The following HCFC1 variants were observed in gnomAD, a reference collection of about 807,000 sequenced individuals.
The protein encoded by HCFC1 is host cell factor 1.
A neutral mutation model predicts 105.5 loss-of-function variants in HCFC1; 7 were observed. The observed-to-expected ratio is 0.07, with a 90% CI of 0.04 to 0.12. The LOEUF (loss-of-function observed/expected upper bound fraction) is 0.12, where lower values mean the gene tolerates loss of function less well. Among genes scored for constraint, HCFC1 ranks in the 10% least tolerant of loss-of-function variants. The pLI is 1.00. For synonymous variants in HCFC1, 918 were observed against 828.1 expected, an observed-to-expected ratio of 1.11 and a Z score of -1.86; for missense variants, 1,065 against 1,823.6, an observed-to-expected ratio of 0.58 and a Z score of 7.58.
At position 153,954,788 on chromosome X, in the gene HCFC1, C is replaced by A; in HGVS notation, c.3611G>T (p.Arg1204Leu). 8.6e-7 allele frequency: 1 copy of A among 1,166,114 alleles called. No homozygotes were observed. Among genetic ancestry groups the A allele is most frequent in the Non-Finnish European group, 1.1e-6 (1 of 873,830 alleles). The change falls in exon 17 of 26, where the codon CGC becomes CTC. Residue 1204 changes from arginine (R) to leucine (L), a missense_variant. Transcript: ENST00000310441. ...GPSMAREPGG[R>L]SPAFVQLAPL... is the part of the protein sequence containing the mutation. ...GGCCAACTGCACAAAAGCAGGGCTG[C>A]GGCCCCCGGGCTCCCGTGCCATGCT...
At chrX:153,959,526 C>T (rs1557116132) in intron 8 of HCFC1, 35 bp from the exon 9 acceptor site, 2 of 1,203,801 alleles carry the variant, frequency 1.7e-6, no homozygotes, top group Non-Finnish European at 2.2e-6. Flanking sequence ...CAGCCATCAC[C>T]TTCTGCACGA....
intron 1 of HCFC1, among the ~76,000 whole-genome samples, chrX:153,967,392 T>A (rs1360629286): frequency 3.6e-5 from 4 of 112,285 alleles, no homozygotes; most frequent in South Asian, 3.7e-4. Context: ...AACCACTTCA[T>A]GCTCTGCAAG....
intron 1 of HCFC1, 124 bp downstream of exon 1, chrX:153,970,524 T>TGAGGGAGGAGATGGAGG (rs1422124386): frequency 2.3e-5 from 8 of 342,614 alleles, no homozygotes; most frequent in Admixed American, 8.1e-5. Flanking sequence ...GGGTAGAGGG[T>TGAGGGAGGAGATGGAGG]GAGGGAGGAG....
rs1351939297 is a variant in HCFC1, at chrX:153,951,964, G to T, written c.5137C>A (p.Pro1713Thr). 8.4e-7 allele frequency: 1 copy of T among 1,191,588 alleles called. No individual in the cohort carries two copies. Among genetic ancestry groups the T allele is most frequent in the Non-Finnish European group, 1.1e-6 (1 of 886,595 alleles). The change falls in exon 20 of 26, where the codon CCC (proline) becomes ACC (threonine). Residue 1713 changes from proline to threonine, a missense_variant. Physicochemically the swap from Pro to Thr is conservative, Grantham distance 38 (BLOSUM62 -1). Coordinates refer to ENST00000310441, the MANE Select transcript of HCFC1 (RefSeq NM_005334.3). ...TCGGCAGGGGCCAGGGCCTCAGTGG[G>T]GAGGTGGTGATGCTGCTGCTGGGCC... ...AQAQQQHHHL[P>T]TEALAPADSL...
chrX:153,952,297 A>AG, intron 19 of HCFC1, 139 bp from the exon 20 acceptor site: 2 of 1,023,448 alleles, frequency 2.0e-6, no homozygotes, highest in East Asian at 6.8e-5. Flanking sequence ...GCCCTGGCCG[A>AG]GGGGCCCTGC....
rs1381600867 is a variant in HCFC1, at chrX:153,971,690, C to G, written c.-850G>C. ...GCGGTGTCCGATCCTCACTTCCCGC[C>G]TTATGACTCCTTCCCACAGGAGCCG... On this transcript the variant is annotated 5_prime_UTR_variant, in exon 1 of 26. Transcript: ENST00000310441. The G allele has an allele frequency of 4.4e-5, 13 of 296,844 alleles. No individual in the cohort carries two copies. Among genetic ancestry groups the G allele is most frequent in the African/African-American group, 3.5e-4 (13 of 36,784 alleles). 24.5% of individuals were successfully genotyped at this position (296,844 alleles called of 1,213,427 possible). A position where few individuals can be genotyped will look rare whatever the true frequency, so the allele number is the denominator to read the frequency against.
chrX:153,968,959 C>A (rs1204988667), intron 1 of HCFC1, among the ~76,000 whole-genome samples: 1 of 112,061 alleles, frequency 8.9e-6, no homozygotes, highest in Non-Finnish European at 1.9e-5. Flanking sequence ...CACCAAGCGC[C>A]CCCGCCCGGG....
intron 9 of HCFC1, 111 bp downstream of exon 9, chrX:153,959,220 G>A: frequency 1.3e-6 from 1 of 798,249 alleles, no homozygotes; most frequent in Non-Finnish European, 1.8e-6. Context: ...AGGGAAAGGT[G>A]TGGGGTGCGT....
chrX:153,951,418 C>T lies in HCFC1; in HGVS notation c.5449G>A (p.Val1817Ile). 8.3e-7 allele frequency: 1 copy of T among 1,210,834 alleles called. No homozygotes were observed. The highest frequency in any genetic ancestry group is 1.1e-6 in the Non-Finnish European group (1 of 894,512). Residue 1817 changes from valine (V) to isoleucine (I), a missense_variant, in exon 22 of 26, where the codon GTC becomes ATC. Transcript: ENST00000310441. ...KKENQWFDVGVIKGTNVMVTH... is the reference protein window; with the variant it reads ...KKENQWFDVGIIKGTNVMVTH... ...ACCATTACATTGGTGCCCTTAATGA[C>T]TCCCACATCAAACCACTGGTTTTCC... is the stretch of plus-strand genomic sequence containing the variant.
Position 153,948,216 on chromosome X carries a change from A to C in HCFC1, c.*1131T>G, listed in dbSNP as rs1296348128. The C allele has an allele frequency of 1.8e-5, 2 of 112,282 alleles. No individual in the cohort carries two copies. Among genetic ancestry groups the C allele is most frequent in the African/African-American group, 6.5e-5 (2 of 30,912 alleles). 9.3% of individuals were successfully genotyped at this position (112,282 alleles called of 1,213,427 possible). On this transcript the variant is annotated 3_prime_UTR_variant, in exon 26 of 26. Coordinates refer to ENST00000310441, the MANE Select transcript of HCFC1 (RefSeq NM_005334.3). Reference sequence around the variant, plus strand: ...ATGGGGAGAGCTGGAAATCCAGGACAAGGAGGCCCCAGCCCTCCCTCAAGC... The same window carrying C: ...ATGGGGAGAGCTGGAAATCCAGGACCAGGAGGCCCCAGCCCTCCCTCAAGC...
At chrX:153,964,383 G>A (rs1025183390) in intron 2 of HCFC1, 99 bp from the exon 3 acceptor site, 1 of 944,878 alleles carries the variant, frequency 1.1e-6, no homozygotes, top group East Asian at 3.2e-5. Context: ...CCGGGGGTGA[G>A]CGAGGTGCCT....
chrX:153,952,472 C>T (rs782125098), intron 19 of HCFC1, 42 bp downstream of exon 19: 78 of 1,107,262 alleles, frequency 7.0e-5, no homozygotes, highest in Non-Finnish European at 9.2e-5. Flanking sequence ...CCTATTGCTC[C>T]CCCGAGCGGC....
chrX:153,951,254 T>C, intron 22 of HCFC1, 96 bp downstream of exon 22: 3 of 1,013,020 alleles, frequency 3.0e-6, no homozygotes, highest in Non-Finnish European at 4.1e-6. Flanking sequence ...GCTACTCAGC[T>C]TGGCCCAAAG....
At position 153,955,527 on chromosome X, in the gene HCFC1, T is replaced by C. The variant is rs3027884; in HGVS notation, c.2872A>G (p.Thr958Ala). Residue 958 changes from threonine to alanine, a missense_variant, in exon 17 of 26, where the codon ACC (threonine) becomes GCC (alanine). Physicochemically the swap from Thr to Ala is moderately conservative, Grantham distance 58 (BLOSUM62 0). Transcript: ENST00000310441. ...GGTGCCGTGATCAGAGTTACCTGGGTGGGCTGGGACACGGGCTGGGGAGAC... is the reference window on the plus strand; with the variant it reads ...GGTGCCGTGATCAGAGTTACCTGGGCGGGCTGGGACACGGGCTGGGGAGAC... ...TITMQPVSQP[T>A]QVTLITAPSG... 1.4e-3 allele frequency: 1,596 copies of C among 1,170,084 alleles called. 2 individuals are homozygous for C. The highest frequency in any genetic ancestry group is 4.0e-3 in the South Asian group (201 of 50,328).
chrX:153,949,943 T>A (rs2065294254), intron 24 of HCFC1, among the ~76,000 whole-genome samples: 1 of 112,008 alleles, frequency 8.9e-6, no homozygotes, highest in Non-Finnish European at 1.9e-5. Context: ...ATCCCTCACC[T>A]GCTGCACTCC....
intron 3 of HCFC1, among the ~76,000 whole-genome samples, chrX:153,963,758 CCAGA>C (rs1419449469): frequency 8.9e-6 from 1 of 112,869 alleles, no homozygotes; most frequent in African/African-American, 3.2e-5. Context: ...GGGACTACCT[CCAGA>C]CAGAGAGTCC....
intron 18 of HCFC1, 102 bp downstream of exon 18, chrX:153,953,505 G>A (rs782294569): frequency 1.5e-5 from 13 of 850,242 alleles, no homozygotes; most frequent in East Asian, 1.3e-4. Flanking sequence ...GACCAGGAGC[G>A]GCCCCATGCC....
Position 153,962,139 on chromosome X carries a change from A to C in HCFC1, c.797+83T>G, listed in dbSNP as rs1275121024. 31 of 744,938 alleles carry C rather than the reference A, an allele frequency of 4.2e-5. No individual in the cohort carries two copies. The East Asian group carries it at 9.8e-4, about 24-fold the overall frequency. 61.4% of individuals were successfully genotyped at this position (744,938 alleles called of 1,213,427 possible). On this transcript the variant is annotated intron_variant, in intron 5 of 25. Transcript: ENST00000310441. Reference sequence around the variant, plus strand: ...AGGCATCCTCAGGCCTTAGGGTCTGACAGGACAAAACTGAGTGAGAGCCCT... The same window carrying C: ...AGGCATCCTCAGGCCTTAGGGTCTGCCAGGACAAAACTGAGTGAGAGCCCT...
intron 16 of HCFC1, 49 bp from the exon 17 acceptor site, chrX:153,955,591 C>T: frequency 9.0e-7 from 1 of 1,106,394 alleles, no homozygotes. Context: ...TGGCTGTCTG[C>T]CTGTCCCTCC....
Sources: allele counts gnomAD v4.1 joint callset (sites outside exome capture counted in the v4.1 genomes callset), GRCh38; gene constraint gnomAD v4.1.1; transcripts MANE v1.5; gene names NCBI Gene and HGNC (gene_info 2026-07-23, HGNC 2026-07-21).